The following PHTF1 variants were observed in gnomAD, a reference collection of about 807,000 sequenced individuals.
PHTF1 encodes the protein protein PHTF1.
PHTF1 carries 88 observed loss-of-function variants against 102.4 expected under a neutral mutation model. That is an observed-to-expected ratio of 0.86 (90% CI 0.72 to 1.03). The LOEUF (loss-of-function observed/expected upper bound fraction) is 1.03. PHTF1 is among the 50% of genes least tolerant of loss of function. PHTF1 has a pLI of 0.00. For synonymous variants in PHTF1, 289 were observed against 305.2 expected, an observed-to-expected ratio of 0.95 and a Z score of 0.55; for missense variants, 814 against 909.5, an observed-to-expected ratio of 0.89 and a Z score of 1.35.
intron 3 of PHTF1, among the ~76,000 whole-genome samples, chr1:113,752,547 G>A (rs1658259672): frequency 1.6e-5 from 1 of 61,354 alleles, no homozygotes. Context: ...AACCACGCCT[G>A]GCTAATTTTT....
intron 7 of PHTF1, 22 bp from the exon 8 acceptor site, chr1:113,713,460 G>T: frequency 7.3e-7 from 1 of 1,378,480 alleles, no homozygotes; most frequent in South Asian, 1.3e-5. Context: ...AAAAGGAAAA[G>T]AAGATTAATT....
At chr1:113,731,360 C>A (rs2757510) in intron 5 of PHTF1, among the ~76,000 whole-genome samples, 1,850 of 151,618 alleles carry the variant, frequency 0.012, 46 homozygotes, top group African/African-American at 0.043. Flanking sequence ...TAGCGAGAGC[C>A]CATCTCTAAA....
intron 5 of PHTF1, among the ~76,000 whole-genome samples, chr1:113,727,309 G>A (rs1479283333): frequency 2.6e-5 from 4 of 152,120 alleles, no homozygotes; most frequent in African/African-American, 9.7e-5. Context: ...ACTTGAGAAT[G>A]TAAATATAAA....
At chr1:113,705,710 C>A in intron 13 of PHTF1, 180 bp downstream of exon 13, 1 of 586,906 alleles carries the variant, frequency 1.7e-6, no homozygotes, top group Non-Finnish European at 3.0e-6. Flanking sequence ...CAGATTACAA[C>A]GTGTAATATG....
At chr1:113,753,552 T>A (rs1227947746) in intron 3 of PHTF1, among the ~76,000 whole-genome samples, 1 of 151,958 alleles carries the variant, frequency 6.6e-6, no homozygotes, top group Admixed American at 6.6e-5. Context: ...CTCAGCCCCC[T>A]GAGTAGGTGG....
chr1:113,704,955 C>A (rs1038832099), intron 13 of PHTF1, among the ~76,000 whole-genome samples, 158 bp from the exon 14 acceptor site: 1 of 152,152 alleles, frequency 6.6e-6, no homozygotes, highest in Non-Finnish European at 1.5e-5. Flanking sequence ...ATTAATAGCT[C>A]GTTACCCTGT....
chr1:113,698,780 C>T (rs1649120104), intron 17 of PHTF1: 1 of 222,502 alleles, frequency 4.5e-6, no homozygotes, highest in East Asian at 1.6e-4. Context: ...TGAATCTACA[C>T]AGCCTAGCAT....
chr1:113,699,696 T>C lies in PHTF1; in HGVS notation c.2142+8A>G. 8.9e-7 allele frequency: 1 copy of C among 1,128,652 alleles called. No individual in the cohort carries two copies. Among genetic ancestry groups the C allele is most frequent in the Non-Finnish European group, 1.3e-6 (1 of 753,160 alleles). The allele number at this position is 1,128,652 out of a possible 1,614,324, so 69.9% of individuals were successfully genotyped here. A position where few individuals can be genotyped will look rare whatever the true frequency, so the allele number is the denominator to read the frequency against. On this transcript the variant is annotated splice_region_variant and intron_variant, in intron 17 of 18. Transcript: ENST00000369604. ...GATAGTAAAAGTGTATCATAGCCTA[T>C]GACTTACTTTCAACAACTTGGTGGA...
chr1:113,753,415 A>T (rs1165496679), intron 3 of PHTF1, among the ~76,000 whole-genome samples: 4 of 138,872 alleles, frequency 2.9e-5, no homozygotes, highest in African/African-American at 8.4e-5. Flanking sequence ...GACCTTCTTA[A>T]TTAGGTTCTT....
intron 3 of PHTF1, among the ~76,000 whole-genome samples, chr1:113,755,522 T>C (rs1031307138): frequency 1.3e-5 from 2 of 152,164 alleles, no homozygotes; most frequent in Non-Finnish European, 2.9e-5. Flanking sequence ...TTTAAAAGCA[T>C]ACATTAAGGC....
chr1:113,713,792 GT>G, intron 7 of PHTF1: 1 of 196,412 alleles, frequency 5.1e-6, no homozygotes, highest in Non-Finnish European at 1.0e-5. Flanking sequence ...GTAGACTTAG[GT>G]GCACATGACC....
At chr1:113,724,636 C>T in intron 7 of PHTF1, 123 bp downstream of exon 7, 1 of 585,536 alleles carries the variant, frequency 1.7e-6, no homozygotes, top group South Asian at 4.9e-5. Context: ...AGTAAGCAAG[C>T]CCTCTGATAA....
chr1:113,716,589 A>T (rs1373822190), intron 7 of PHTF1, among the ~76,000 whole-genome samples: 1 of 151,978 alleles, frequency 6.6e-6, no homozygotes, highest in Admixed American at 6.6e-5. Flanking sequence ...GCCTCAAGCA[A>T]TCCTCCCATC....
rs183638502 is a variant in PHTF1 at position 113,740,749 on chromosome 1, G to A, written c.103-1950C>T. Among the ~76,000 whole-genome samples, 661 of 152,244 alleles carry A rather than the reference G, an allele frequency of 4.3e-3. 15 individuals are homozygous for A. The highest frequency in any genetic ancestry group is 0.039 in the Admixed American group (592 of 15,302). On this transcript the variant is annotated intron_variant, in intron 3 of 18. Transcript: ENST00000369604. ...TTTTTGTATATGGTGAGAAATAGTG[G>A]CCAGGTGCAGTGGCTCACCCCTATA...
At chr1:113,727,403 C>A (rs990491278) in intron 5 of PHTF1, among the ~76,000 whole-genome samples, 3 of 152,094 alleles carry the variant, frequency 2.0e-5, no homozygotes, top group African/African-American at 7.2e-5. Flanking sequence ...GTACCTGGAG[C>A]ACAGAATAGA....
intron 13 of PHTF1, 65 bp from the exon 14 acceptor site, chr1:113,704,862 C>A: frequency 9.7e-7 from 1 of 1,033,780 alleles, no homozygotes. Context: ...CATATAATTG[C>A]CAACGATATT....
At chr1:113,720,521 A>G (rs1439107032) in intron 7 of PHTF1, among the ~76,000 whole-genome samples, 2 of 152,238 alleles carry the variant, frequency 1.3e-5, no homozygotes, top group Non-Finnish European at 2.9e-5. Context: ...AATCATTTTC[A>G]GGGATATACC....
intron 11 of PHTF1, among the ~76,000 whole-genome samples, chr1:113,709,342 C>T (rs970189659): frequency 2.6e-5 from 4 of 152,090 alleles, no homozygotes; most frequent in African/African-American, 9.7e-5. Flanking sequence ...TAACCTAAAT[C>T]AATGGTATTT....
intron 7 of PHTF1, chr1:113,714,599 G>C (rs1305799719): frequency 6.6e-6 from 1 of 152,362 alleles, no homozygotes; most frequent in African/African-American, 2.4e-5. Flanking sequence ...GTTTGGGTGT[G>C]AGCTCAGCTG....
Sources: allele counts gnomAD v4.1 joint callset (sites outside exome capture counted in the v4.1 genomes callset), GRCh38; gene constraint gnomAD v4.1.1; transcripts MANE v1.5; gene names NCBI Gene and HGNC (gene_info 2026-07-23, HGNC 2026-07-21).